Variants in DNMT3B observed in about 807,000 individuals in gnomAD.
The protein encoded by DNMT3B is DNA (cytosine-5)-methyltransferase 3B.
In DNMT3B, 37 loss-of-function variants were observed where a neutral mutation model predicts 120.2. The observed-to-expected ratio is 0.31, with a 90% confidence interval of 0.24 to 0.40. DNMT3B has a LOEUF of 0.40. DNMT3B is among the 10% of genes least tolerant of loss of function. DNMT3B has a pLI of 1.00. For synonymous variants in DNMT3B, 412 were observed against 442.8 expected, an observed-to-expected ratio of 0.93 and a Z score of 0.87; for missense variants, 878 against 1,137.3, an observed-to-expected ratio of 0.77 and a Z score of 3.28.
At chr20:32,797,445 T>C (rs528568140) in intron 14 of DNMT3B, 146 bp downstream of exon 14, 1 of 740,058 alleles carries the variant, frequency 1.4e-6, no homozygotes, top group African/African-American at 1.8e-5. Flanking sequence ...ACAGGGTTTA[T>C]ATTTTGTGGT....
intron 18 of DNMT3B, 107 bp from the exon 19 acceptor site, chr20:32,801,171 C>T: frequency 6.5e-7 from 1 of 1,537,968 alleles, no homozygotes; most frequent in African/African-American, 1.4e-5. Context: ...GTAGGCATCA[C>T]CCTGAACTGT....
At chr20:32,764,747 A>G (rs1018130368) in intron 1 of DNMT3B, among the ~76,000 whole-genome samples, 28 of 152,174 alleles carry the variant, frequency 1.8e-4, no homozygotes, top group African/African-American at 6.8e-4. Flanking sequence ...AGGGACAAGG[A>G]CTGGGGCCAG....
At chr20:32,781,482 C>T in intron 3 of DNMT3B, 68 bp downstream of exon 3, 1 of 1,563,050 alleles carries the variant, frequency 6.4e-7, no homozygotes, top group Non-Finnish European at 8.8e-7. Context: ...ACGTGGGCTG[C>T]CTGAGGCCCA....
intron 18 of DNMT3B, 78 bp downstream of exon 18, chr20:32,801,003 G>A: frequency 6.4e-7 from 1 of 1,550,394 alleles, no homozygotes; most frequent in Non-Finnish European, 8.9e-7. Flanking sequence ...AGCCTGAGAA[G>A]GAGCCACTTG....
intron 22 of DNMT3B, among the ~76,000 whole-genome samples, chr20:32,806,807 C>T (rs932805919): frequency 5.6e-5 from 8 of 142,608 alleles, no homozygotes; most frequent in African/African-American, 1.9e-4. Flanking sequence ...TTTTCTTTCA[C>T]TCCTCTATTG....
intron 1 of DNMT3B, among the ~76,000 whole-genome samples, chr20:32,772,736 A>G (rs1286084989): frequency 6.6e-6 from 1 of 151,612 alleles, no homozygotes; most frequent in Non-Finnish European, 1.5e-5. Context: ...TTATGGTCCT[A>G]GTTTTTTTTT....
intron 6 of DNMT3B, among the ~76,000 whole-genome samples, chr20:32,788,312 C>T (rs1399734548): frequency 6.6e-6 from 1 of 152,112 alleles, no homozygotes; most frequent in Non-Finnish European, 1.5e-5. Context: ...CTAGAGTTGC[C>T]TGAGGTTCAT....
rs375351479 is a variant in DNMT3B at position 32,784,778 on chromosome 20, C to T, written c.225C>T (p.Asp75=). 20 of 1,613,950 alleles carry T rather than the reference C, an allele frequency of 1.2e-5. No homozygotes were observed. Among genetic ancestry groups the T allele is most frequent in the Middle Eastern group, 1.6e-4 (1 of 6,084 alleles). ...TAAAGGACTTGACAGGCGATGGCGA[C>T]GGGGAAGATGGGGATGGCTCTGACA... ...SYTQDLTGDG[D]GEDGDGSDTP... The change falls in exon 4 of 23, where the codon GAC becomes GAT. Residue 75 remains aspartate, a synonymous_variant. Transcript: ENST00000328111.
rs756101113 is a variant in DNMT3B, at chr20:32,809,035, C to T, written c.*1132C>T. ...CATAAGAAGTCGTTTTTAGGGAGAA[C>T]GGGAATTCAGACAAGCTGCATTTCA... On this transcript the variant is annotated 3_prime_UTR_variant, in exon 23 of 23. Coordinates refer to ENST00000328111, the MANE Select transcript of DNMT3B (RefSeq NM_006892.4). 1.9e-4 allele frequency: 41 copies of T among 215,884 alleles called. No individual in the cohort carries two copies. The highest frequency in any genetic ancestry group is 3.2e-4 in the Non-Finnish European group (34 of 106,986). 13.4% of individuals were successfully genotyped at this position (215,884 alleles called of 1,614,324 possible). A position where few individuals can be genotyped will look rare whatever the true frequency, so the allele number is the denominator to read the frequency against.
Position 32,806,261 on chromosome 20 carries a change from A to G in DNMT3B, c.2354A>G (p.Lys785Arg). The G allele has an allele frequency of 6.2e-7, 1 of 1,614,242 alleles. No homozygotes were observed. Among genetic ancestry groups the G allele is most frequent in the South Asian group, 1.1e-5 (1 of 91,086 alleles). Reference protein sequence around the residue: ...TTKSNSIKQGKNQLFPVVMNG... With the variant: ...TTKSNSIKQGRNQLFPVVMNG... ...AAGTCGAACTCGATCAAACAGGGGA[A>G]AAACCAACTTTTCCCTGTTGTCATG... Residue 785 changes from lysine to arginine, a missense_variant, in exon 22 of 23, where the codon AAA (lysine) becomes AGA (arginine). Around this residue, in one of 4 missense-constraint regions of DNMT3B, gnomAD observed 334 missense variants for 518.8 expected, o/e 0.64. Transcript: ENST00000328111.
chr20:32,808,016 G>T lies in DNMT3B; in HGVS notation c.*113G>T. 2.6e-6 allele frequency: 4 copies of T among 1,568,388 alleles called. No individual in the cohort carries two copies. Among genetic ancestry groups the T allele is most frequent in the Non-Finnish European group, 3.5e-6 (4 of 1,151,068 alleles). On this transcript the variant is annotated 3_prime_UTR_variant, in exon 23 of 23. Coordinates refer to ENST00000328111, the MANE Select transcript of DNMT3B (RefSeq NM_006892.4). ...CTTCCTCAGCTGTGTGGGTCATACC[G>T]TGTACCTCAGTTCCCTCTTGCTCAG...
chr20:32,775,427 C>A (rs1428193030), intron 1 of DNMT3B, among the ~76,000 whole-genome samples: 1 of 152,162 alleles, frequency 6.6e-6, no homozygotes, highest in Non-Finnish European at 1.5e-5. Context: ...TGGGTTGGGG[C>A]GAGTCCCTGA....
chr20:32,802,623 G>C (rs1179775017), intron 20 of DNMT3B, among the ~76,000 whole-genome samples, 153 bp downstream of exon 20: 1 of 152,194 alleles, frequency 6.6e-6, no homozygotes, highest in African/African-American at 2.4e-5. Flanking sequence ...GTTGATCTCT[G>C]TTAAGATGTT....
Position 32,786,568 on chromosome 20 carries a change from C to A in DNMT3B, c.373C>A (p.Arg125=), listed in dbSNP as rs1051200022. The change falls in exon 5 of 23, where the codon CGA becomes AGA. Residue 125 remains arginine, a synonymous_variant. Transcript: ENST00000328111. ...GCACAGGCCTTCCCCACGTTCCACC[C>A]GAGGCCGGCAGGGCCGCAACCATGT... The part of the protein sequence containing the change: ...ERHRPSPRST[R]GRQGRNHVDE... 1 of 1,614,000 alleles carries A rather than the reference C, an allele frequency of 6.2e-7. No homozygotes were observed. Among genetic ancestry groups the A allele is most frequent in the South Asian group, 1.1e-5 (1 of 91,090 alleles).
Position 32,787,438 on chromosome 20 carries a change from G to C in DNMT3B, c.641G>C (p.Ser214Thr). The C allele has an allele frequency of 6.2e-7, 1 of 1,614,054 alleles. No individual in the cohort carries two copies. Among genetic ancestry groups the C allele is most frequent in the Non-Finnish European group, 8.5e-7 (1 of 1,180,008 alleles). Reference protein sequence around the residue: ...QVEADSGDGDSSEYQDGKEFG... With the variant: ...QVEADSGDGDTSEYQDGKEFG... ...GAGGCAGACAGTGGAGATGGAGACA[G>C]TTCAGAGTATCAGGTATGGCCGAGA... Residue 214 changes from serine to threonine, a missense_variant, in exon 6 of 23, where the codon AGT becomes ACT. This residue lies in a region of DNMT3B where 287 missense variants were observed against 306.2 expected (regional missense o/e 0.94). Coordinates refer to ENST00000328111, the MANE Select transcript of DNMT3B (RefSeq NM_006892.4).
At chr20:32,764,422 C>G (rs1327953037) in intron 1 of DNMT3B, among the ~76,000 whole-genome samples, 1 of 152,142 alleles carries the variant, frequency 6.6e-6, no homozygotes. Context: ...TACTTAATAA[C>G]GAATAGCCCC....
rs201520258 is a variant in DNMT3B at position 32,788,931 on chromosome 20, G to A, written c.732G>A (p.Val244=). ...KGFSWWPAMV[V]SWKATSKRQA... ...TCTCCTGGTGGCCCGCCATGGTGGT[G>A]TCTTGGAAGGCCACCTCCAAGCGAC... The change falls in exon 7 of 23, where the codon GTG becomes GTA. Residue 244 remains valine, a synonymous_variant. Transcript: ENST00000328111. 60 of 1,614,032 alleles carry A rather than the reference G, an allele frequency of 3.7e-5. No individual in the cohort carries two copies. In the Admixed American group the frequency reaches 7.7e-4, roughly 21 times the overall value.
chr20:32,789,109 T>C, intron 7 of DNMT3B, 97 bp downstream of exon 7: 1 of 1,537,930 alleles, frequency 6.5e-7, no homozygotes. Context: ...TCTGCAGATG[T>C]GTGAGCCTAT....
intron 20 of DNMT3B, among the ~76,000 whole-genome samples, chr20:32,803,212 T>A (rs1601134220): frequency 6.6e-6 from 1 of 152,244 alleles, no homozygotes; most frequent in East Asian, 1.9e-4. Context: ...TGCTGAGGAT[T>A]AATTATTTCT....
Sources: allele counts gnomAD v4.1 joint callset (sites outside exome capture counted in the v4.1 genomes callset), GRCh38; gene constraint gnomAD v4.1.1; regional missense constraint gnomAD v4.1.1; transcripts MANE v1.5; gene names NCBI Gene and HGNC (gene_info 2026-07-23, HGNC 2026-07-21).